HSD11B1: variants seen among roughly 807,000 people sequenced by gnomAD.
The protein encoded by HSD11B1 is 11-beta-hydroxysteroid dehydrogenase 1.
HSD11B1 carries 15 observed loss-of-function variants against 22.1 expected under a neutral mutation model. The ratio of observed to expected loss-of-function variants is 0.68; its 90% CI spans 0.45 to 1.04. The LOEUF (loss-of-function observed/expected upper bound fraction) is 1.04. Ranked by LOEUF, HSD11B1 falls within the 50% of genes least tolerant of loss-of-function variation. The probability of loss-of-function intolerance (pLI) is 0.00; values close to 1 mark genes in which losing one functional copy is unlikely to be tolerated. For missense variants in HSD11B1, 281 were observed against 357.6 expected, an observed-to-expected ratio of 0.79 and a Z score of 1.73; for synonymous variants, 122 against 125.2, an observed-to-expected ratio of 0.97 and a Z score of 0.17.
chr1:209,725,762 T>C (rs1023180647), intron 4 of HSD11B1, among the ~76,000 whole-genome samples: 8 of 152,204 alleles, frequency 5.3e-5, no homozygotes, highest in Non-Finnish European at 7.3e-5. Context: ...CACAGTCCTC[T>C]ACTCCATAAA....
upstream of HSD11B1, among the ~76,000 whole-genome samples, chr1:209,701,827 C>A (rs768058855): frequency 3.2e-4 from 49 of 152,314 alleles, no homozygotes; most frequent in Middle Eastern, 3.4e-3. Context: ...TCTGGCCCAT[C>A]CTTCACAGTC....
Position 209,724,427 on chromosome 1 carries a change from G to A in HSD11B1, c.518-8009G>A, listed in dbSNP as rs7547027. Among the ~76,000 whole-genome samples the A allele has an allele frequency of 8.4e-3, 1,276 of 152,176 alleles. 12 individuals are homozygous for A. The highest frequency in any genetic ancestry group is 0.028 in the African/African-American group (1,160 of 41,510). ...CAGTGTCAGCCCCTTTATTTCCTTG[G>A]GATGTTTGTTTGTGTTTCCATGTTC... is the stretch of plus-strand genomic sequence containing the variant. On this transcript the variant is annotated intron_variant, in intron 4 of 5. Coordinates refer to ENST00000367027, the MANE Select transcript of HSD11B1 (RefSeq NM_005525.4).
At chr1:209,718,875 C>G (rs1323653594) in intron 4 of HSD11B1, among the ~76,000 whole-genome samples, 1 of 151,754 alleles carries the variant, frequency 6.6e-6, no homozygotes, top group Non-Finnish European at 1.5e-5. Context: ...CAAAAATTAG[C>G]TGGGCATGGT....
upstream of HSD11B1, among the ~76,000 whole-genome samples, chr1:209,704,241 T>C (rs926055567): frequency 6.6e-6 from 1 of 152,196 alleles, no homozygotes; most frequent in Non-Finnish European, 1.5e-5. Context: ...GCACTTGCCT[T>C]AGAGTCTTGA....
chr1:209,688,898 G>C lies in HSD11B1; in HGVS notation c.-49+2613G>C, dbSNP rs148125562. Reference sequence around the variant, plus strand: ...ACTCTTGGAAGATGGAAAGTGGATGGATGAGTAATAAGTGACTTAGCAAAC... The same window carrying C: ...ACTCTTGGAAGATGGAAAGTGGATGCATGAGTAATAAGTGACTTAGCAAAC... On this transcript the variant is annotated intron_variant, in intron 1 of 6. Transcript: ENST00000261465. Among the ~76,000 whole-genome samples, 792 of 152,312 alleles carry C rather than the reference G, an allele frequency of 5.2e-3. 6 individuals are homozygous for C. The highest frequency in any genetic ancestry group is 0.017 in the Middle Eastern group (5 of 294).
At chr1:209,691,041 A>G (rs975321602) in intron 1 of HSD11B1, among the ~76,000 whole-genome samples, 2 of 152,212 alleles carry the variant, frequency 1.3e-5, no homozygotes, top group Non-Finnish European at 2.9e-5. Flanking sequence ...TTAGAACCCC[A>G]GGAATAAAAG....
chr1:209,714,751 G>A (rs2076919860), intron 4 of HSD11B1, among the ~76,000 whole-genome samples: 1 of 152,182 alleles, frequency 6.6e-6, no homozygotes, highest in Admixed American at 6.5e-5. Flanking sequence ...GGCCAAGCAA[G>A]ATAGGCATCT....
intron 4 of HSD11B1, among the ~76,000 whole-genome samples, chr1:209,721,482 A>AAAG (rs1558196745): frequency 6.6e-6 from 1 of 151,774 alleles, no homozygotes; most frequent in African/African-American, 2.4e-5. Flanking sequence ...AAAAAAAAAA[A>AAAG]AAAAATCCCC....
chr1:209,703,595 G>A (rs928856426), upstream of HSD11B1, among the ~76,000 whole-genome samples: 1 of 152,042 alleles, frequency 6.6e-6, no homozygotes, highest in Non-Finnish European at 1.5e-5. Flanking sequence ...TCTCCTCTGG[G>A]TCTTAAATTA....
At chr1:209,732,293 C>A in intron 4 of HSD11B1, 143 bp from the exon 5 acceptor site, 1 of 866,156 alleles carries the variant, frequency 1.2e-6, no homozygotes, top group Non-Finnish European at 1.9e-6. Context: ...TTCAACACAG[C>A]AGTATAACTT....
intron 1 of HSD11B1, among the ~76,000 whole-genome samples, chr1:209,694,358 G>T (rs2076778341): frequency 6.6e-6 from 1 of 152,182 alleles, no homozygotes; most frequent in South Asian, 2.1e-4. Flanking sequence ...TGCCTTCCCA[G>T]AACTATCTAA....
chr1:209,714,373 T>C (rs846906), intron 4 of HSD11B1, among the ~76,000 whole-genome samples: 135,821 of 152,244 alleles, frequency 0.89, 60,931 homozygotes, highest in East Asian at 1. Flanking sequence ...AGCATTTTAC[T>C]CACAGTGATT....
intron 1 of HSD11B1, among the ~76,000 whole-genome samples, chr1:209,691,183 C>A (rs2076757687): frequency 6.6e-6 from 1 of 152,124 alleles, no homozygotes; most frequent in Non-Finnish European, 1.5e-5. Context: ...TCTTCCAATT[C>A]TCAGAGAAAA....
At chr1:209,692,190 A>C (rs2076763332) in intron 1 of HSD11B1, among the ~76,000 whole-genome samples, 1 of 152,220 alleles carries the variant, frequency 6.6e-6, no homozygotes, top group Admixed American at 6.5e-5. Flanking sequence ...TAACAAGCTA[A>C]AGTTAAAAGT....
At chr1:209,722,376 C>T (rs767052580) in intron 4 of HSD11B1, among the ~76,000 whole-genome samples, 28 of 152,298 alleles carry the variant, frequency 1.8e-4, no homozygotes, top group Admixed American at 4.6e-4. Context: ...CTTAACTCTC[C>T]CCTCTCAGTC....
intron 4 of HSD11B1, among the ~76,000 whole-genome samples, chr1:209,716,477 T>C (rs563421247): frequency 1.1e-4 from 17 of 152,164 alleles, no homozygotes; most frequent in African/African-American, 3.9e-4. Context: ...GAATAATTAA[T>C]GTTGTTAACA....
chr1:209,692,610 G>GGGGT (rs2076767297), intron 1 of HSD11B1, among the ~76,000 whole-genome samples: 1 of 119,756 alleles, frequency 8.4e-6, no homozygotes, highest in East Asian at 2.7e-4. Flanking sequence ...AAAATGGCGG[G>GGGGT]GGGGGGGGTG....
chr1:209,724,048 T>G (rs1031537332), intron 4 of HSD11B1: 3 of 152,356 alleles, frequency 2.0e-5, no homozygotes, highest in African/African-American at 4.8e-5. Context: ...GCTGTCCTTT[T>G]GGGCAGAATT....
upstream of HSD11B1, among the ~76,000 whole-genome samples, chr1:209,702,336 T>A (rs2076831060): frequency 6.6e-6 from 1 of 152,042 alleles, no homozygotes; most frequent in South Asian, 2.1e-4. Context: ...AAACAGCAAG[T>A]TTATTGAATG....
Sources: allele counts gnomAD v4.1 joint callset (sites outside exome capture counted in the v4.1 genomes callset), GRCh38; gene constraint gnomAD v4.1.1; transcripts MANE v1.5; gene names NCBI Gene and HGNC (gene_info 2026-07-23, HGNC 2026-07-21).